AIM2: variants seen among roughly 807,000 people sequenced by gnomAD.
AIM2 encodes the protein absent in melanoma 2, also known as interferon-inducible protein AIM2.
AIM2 carries 30 observed loss-of-function variants against 27.7 expected under a neutral mutation model. The observed-to-expected ratio is 1.08, with a 90% CI of 0.81 to 1.47. The LOEUF (loss-of-function observed/expected upper bound fraction) is 1.47. Among genes scored for constraint, AIM2 ranks in the 40% most tolerant of loss-of-function variants. The pLI is 0.00. For synonymous variants in AIM2, 141 were observed against 145.3 expected, an observed-to-expected ratio of 0.97 and a Z score of 0.21; for missense variants, 358 against 411.3, an observed-to-expected ratio of 0.87 and a Z score of 1.12.
the AIM2 span, among the ~76,000 whole-genome samples, chr1:159,056,644 G>A: frequency 7.4e-6 from 1 of 135,308 alleles, no homozygotes; most frequent in Non-Finnish European, 1.5e-5. Flanking sequence ...AAGGGGAGGG[G>A]TAAGGACAGC....
chr1:159,093,040 A>AAAATAAAT (rs57238902), intron 1 of AIM2, among the ~76,000 whole-genome samples: 10,480 of 147,190 alleles, frequency 0.071, 627 homozygotes, highest in East Asian at 0.33. Flanking sequence ...TAAATAAATA[A>AAAATAAAT]AAATAAATAA....
chr1:159,064,207 G>A (rs932380330), intron 4 of AIM2, among the ~76,000 whole-genome samples: 1 of 152,152 alleles, frequency 6.6e-6, no homozygotes, highest in East Asian at 1.9e-4. Flanking sequence ...TTGAAAAAAT[G>A]TTTCTGCTTT....
rs1557899354 is a variant in AIM2 at position 159,083,677 on chromosome 1, A to G, written c.-15-17348T>C. ...ATTCTAAGGATCTATATTCTATACT[A>G]TCCTAAGGATCTACATTCTACACCA... On this transcript the variant is annotated intron_variant, in intron 1 of 2. Transcript: ENST00000368129. 2.0e-5 allele frequency among the ~76,000 whole-genome samples: 3 copies of G among 152,334 alleles called. No homozygotes were observed. The East Asian group carries it at 5.8e-4, about 29-fold the overall frequency.
At chr1:159,115,131 G>A (rs1647298961) in intron 1 of AIM2, among the ~76,000 whole-genome samples, 1 of 152,196 alleles carries the variant, frequency 6.6e-6, no homozygotes, top group Non-Finnish European at 1.5e-5. Context: ...TACAAGGGAT[G>A]TGAAGGACCT....
intron 1 of AIM2, among the ~76,000 whole-genome samples, chr1:159,082,114 A>G (rs556518058): frequency 2.9e-4 from 44 of 151,588 alleles, no homozygotes; most frequent in African/African-American, 1.0e-3. Flanking sequence ...GAAAGAATAG[A>G]TCATATCTGA....
intron 1 of AIM2, among the ~76,000 whole-genome samples, chr1:159,093,485 A>C (rs1353408872): frequency 6.6e-6 from 1 of 152,168 alleles, no homozygotes; most frequent in Non-Finnish European, 1.5e-5. Context: ...ATCTTATGAC[A>C]CAGCACTCCC....
At chr1:159,104,784 G>A (rs1362300991) in intron 1 of AIM2, among the ~76,000 whole-genome samples, 1 of 152,162 alleles carries the variant, frequency 6.6e-6, no homozygotes, top group Admixed American at 6.5e-5. Flanking sequence ...CTTTTCTGGA[G>A]CATGGACTAC....
chr1:159,094,520 A>T (rs1021105547), intron 1 of AIM2, among the ~76,000 whole-genome samples: 1 of 152,110 alleles, frequency 6.6e-6, no homozygotes, highest in African/African-American at 2.4e-5. Context: ...AACATGGTGA[A>T]ACTTTGTCTC....
intron 1 of AIM2, among the ~76,000 whole-genome samples, chr1:159,112,755 C>CT (rs907190297): frequency 6.6e-6 from 1 of 151,970 alleles, no homozygotes; most frequent in African/African-American, 2.4e-5. Context: ...TTTCTGACAC[C>CT]TAATGGACTA....
intron 1 of AIM2, among the ~76,000 whole-genome samples, chr1:159,084,484 A>C (rs1435233149): frequency 6.6e-6 from 1 of 152,038 alleles, no homozygotes; most frequent in African/African-American, 2.4e-5. Flanking sequence ...AAAAATATTA[A>C]ACCCAGGCCA....
chr1:159,089,080 C>T (rs145123810), intron 1 of AIM2, among the ~76,000 whole-genome samples: 97 of 152,194 alleles, frequency 6.4e-4, no homozygotes, highest in African/African-American at 2.0e-3. Context: ...AAAACACTGA[C>T]GAATTTCTTA....
rs78563668 is a variant in AIM2 at position 159,063,744 on chromosome 1, A to G, written c.817-70T>C. On this transcript the variant is annotated intron_variant, in intron 4 of 5. Transcript: ENST00000368130. ...GAATGCCGCATCAGTCACACATCAG[A>G]CATGCCAGAAGAAGGCTCTAAAAAG... 1.6e-3 allele frequency: 2,275 copies of G among 1,451,128 alleles called. 35 individuals are homozygous for G. The African/African-American group carries it at 0.029, about 18-fold the overall frequency. 89.9% of individuals were successfully genotyped at this position (1,451,128 alleles called of 1,614,324 possible). A position where few individuals can be genotyped will look rare whatever the true frequency, so the allele number is the denominator to read the frequency against.
chr1:159,091,602 T>G (rs1363532418), intron 1 of AIM2, among the ~76,000 whole-genome samples: 1 of 152,236 alleles, frequency 6.6e-6, no homozygotes, highest in African/African-American at 2.4e-5. Context: ...TGATCATCTC[T>G]TGTGTTGACA....
chr1:159,070,075 C>G (rs1344615798), intron 2 of AIM2, among the ~76,000 whole-genome samples: 1 of 152,182 alleles, frequency 6.6e-6, no homozygotes, highest in South Asian at 2.1e-4. Context: ...CCATGGAACC[C>G]GCTTTGACCA....
intron 1 of AIM2, among the ~76,000 whole-genome samples, chr1:159,093,679 T>G (rs1041766384): frequency 6.6e-6 from 1 of 151,498 alleles, no homozygotes; most frequent in Non-Finnish European, 1.5e-5. Context: ...ATATAACATT[T>G]TATTTATTTA....
intron 1 of AIM2, among the ~76,000 whole-genome samples, chr1:159,102,461 G>A (rs58048207): frequency 0.017 from 2,570 of 152,298 alleles, 76 homozygotes; most frequent in African/African-American, 0.059. Context: ...TGTGAGAAGA[G>A]GGCCACCGTC....
intron 1 of AIM2, 25 bp from the exon 2 acceptor site, chr1:159,073,544 G>C: frequency 2.5e-6 from 4 of 1,573,752 alleles, no homozygotes; most frequent in Non-Finnish European, 3.5e-6. Flanking sequence ...AAACATGTAA[G>C]ATTACACCAC....
chr1:159,126,817 A>G (rs1647707865), intron 1 of AIM2, among the ~76,000 whole-genome samples: 1 of 152,172 alleles, frequency 6.6e-6, no homozygotes, highest in Admixed American at 6.5e-5. Context: ...CATTGTTTAT[A>G]ATAGACAAAA....
chr1:159,073,349 A>G lies in AIM2; in HGVS notation c.151T>C (p.Leu51=), dbSNP rs761674723. 3 of 1,614,220 alleles carry G rather than the reference A, an allele frequency of 1.9e-6. No homozygotes were observed. Among genetic ancestry groups the G allele is most frequent in the African/African-American group, 2.7e-5 (2 of 75,050 alleles). ...HTANRIQVAT[L]MIQNAGAVSA... ...ACCGCCCCAGCATTTTGAATCATCA[A>G]GGTAGCTACTTGTATTCTGTTTGCA... Residue 51 remains leucine, a synonymous_variant, in exon 2 of 6, where the codon TTG becomes CTG. Transcript: ENST00000368130.
Sources: gnomAD v4.1 joint callset for allele counts (sites outside exome capture counted in the v4.1 genomes callset) on GRCh38, gnomAD v4.1.1 for gene constraint, MANE v1.5 for transcripts, NCBI Gene and HGNC (gene_info 2026-07-23, HGNC 2026-07-21) for gene names.